The following C1QTNF7 variants were observed in gnomAD, a reference collection of about 807,000 sequenced individuals.
C1QTNF7 encodes the protein complement C1q tumor necrosis factor-related protein 7.
Under a neutral mutation model 19.6 loss-of-function variants are expected in C1QTNF7, and 15 were observed. The ratio of observed to expected loss-of-function variants is 0.76; its 90% CI spans 0.51 to 1.18. The LOEUF (loss-of-function observed/expected upper bound fraction) is 1.18. Ranked by LOEUF, C1QTNF7 falls within the 50% of genes most tolerant of loss-of-function variation. C1QTNF7 has a pLI of 0.00. For missense variants in C1QTNF7, 324 were observed against 359.7 expected (o/e 0.90, Z 0.80); for synonymous variants, 142 against 137.5 (o/e 1.03, Z -0.23).
rs1004386401 is a variant in C1QTNF7, at chr4:15,353,962, G to A, written c.13+13755G>A. ...ATTCTAACCCTTGAAAATTGGAAGC[G>A]AATGTGTTGTGGGAATCCACAACTT... is the stretch of plus-strand genomic sequence containing the variant. On this transcript the variant is annotated intron_variant, in intron 1 of 2. Coordinates refer to the C1QTNF7 transcript ENST00000295297. 9.9e-5 allele frequency among the ~76,000 whole-genome samples: 15 copies of A among 152,208 alleles called. 1 individual carries two copies. The highest frequency in any genetic ancestry group is 8.3e-4 in the South Asian group (4 of 4,812).
At chr4:15,431,052 TGATAGATA>T (rs33924061) in intron 1 of C1QTNF7, among the ~76,000 whole-genome samples, 11,760 of 144,912 alleles carry the variant, frequency 0.081, 523 homozygotes, top group Admixed American at 0.12. Context: ...GATAGATAGA[TGATAGATA>T]GATAGATAGA....
intron 1 of C1QTNF7, among the ~76,000 whole-genome samples, chr4:15,350,083 AAGGG>A (rs1261549395): frequency 8.4e-6 from 1 of 118,364 alleles, no homozygotes; most frequent in Non-Finnish European, 1.8e-5. Context: ...GGGAGAGAGG[AAGGG>A]AGGGAGGGAG....
chr4:15,368,361 T>C (rs1482996256), intron 1 of C1QTNF7, among the ~76,000 whole-genome samples: 1 of 152,192 alleles, frequency 6.6e-6, no homozygotes, highest in East Asian at 1.9e-4. Context: ...TACATATATA[T>C]ACATGTGCCA....
At chr4:15,355,916 G>A (rs1272824842) in intron 1 of C1QTNF7, among the ~76,000 whole-genome samples, 1 of 152,020 alleles carries the variant, frequency 6.6e-6, no homozygotes, top group African/African-American at 2.4e-5. Context: ...GGAGTGCAGT[G>A]GCCCAGTCAT....
chr4:15,415,706 T>C lies in C1QTNF7; in HGVS notation c.14-20030T>C, dbSNP rs971301994. ...TCCTGAGCTCAAGCGATCCTCCCAC[T>C]CTGGCCTCCCAAATTGCTGGGAACA... On this transcript the variant is annotated intron_variant, in intron 1 of 2. Transcript: ENST00000295297. 4.6e-5 allele frequency among the ~76,000 whole-genome samples: 7 copies of C among 151,948 alleles called. No individual in the cohort carries two copies. In the East Asian group the frequency reaches 7.8e-4, roughly 17 times the overall value.
At chr4:15,359,220 T>C (rs1717254889) in intron 1 of C1QTNF7, among the ~76,000 whole-genome samples, 1 of 152,146 alleles carries the variant, frequency 6.6e-6, no homozygotes, top group African/African-American at 2.4e-5. Context: ...ACCAGTATCC[T>C]TGTGCCCAAG....
intron 1 of C1QTNF7, among the ~76,000 whole-genome samples, chr4:15,434,383 C>A (rs1347968901): frequency 1.3e-5 from 2 of 152,168 alleles, no homozygotes; most frequent in Non-Finnish European, 2.9e-5. Flanking sequence ...ATGGGTACCA[C>A]AAAAGTGGTG....
At chr4:15,381,324 G>A (rs911488828) in intron 1 of C1QTNF7, among the ~76,000 whole-genome samples, 7 of 151,842 alleles carry the variant, frequency 4.6e-5, no homozygotes, top group Non-Finnish European at 1.0e-4. Flanking sequence ...GGCTGAGGCA[G>A]GAGAATGTCG....
rs568065354 is a variant in C1QTNF7 at position 15,414,956 on chromosome 4, C to T, written c.14-20780C>T. ...GTCAACAGAGAATAGAGGCCAATGC[C>T]TTGAAACCAAACATATTTTTATGAA... On this transcript the variant is annotated intron_variant, in intron 1 of 2. Transcript: ENST00000295297. Among the ~76,000 whole-genome samples, 3 of 152,348 alleles carry T rather than the reference C, an allele frequency of 2.0e-5. No individual in the cohort carries two copies. In the South Asian group the frequency reaches 6.2e-4, roughly 32 times the overall value.
At chr4:15,358,190 TATG>T (rs1398765531) in intron 1 of C1QTNF7, 1 of 152,152 alleles carries the variant, frequency 6.6e-6, no homozygotes, top group Non-Finnish European at 1.5e-5. Flanking sequence ...GCCCATTCAG[TATG>T]ATATTGGCTG....
Position 15,442,381 on chromosome 4 carries a change from C to G in C1QTNF7, c.452C>G (p.Ser151Cys). ...AGCATCGTGCTCAAATCCGCCTTTT[C>G]TGTTGGCATCACAACCAGCTACCCA... Reference protein sequence around the residue: ...CGSIVLKSAFSVGITTSYPEE... With the variant: ...CGSIVLKSAFCVGITTSYPEE... Residue 151 changes from serine to cysteine, a missense_variant, in exon 3 of 3, where the codon TCT (serine) becomes TGT (cysteine). Ser to Cys is a moderately radical substitution (Grantham distance 112). Coordinates refer to ENST00000444304, the MANE Select transcript of C1QTNF7 (RefSeq NM_031911.5). 1 of 1,614,196 alleles carries G rather than the reference C, an allele frequency of 6.2e-7. No homozygotes were observed. The highest frequency in any genetic ancestry group is 8.5e-7 in the Non-Finnish European group (1 of 1,180,036).
intron 1 of C1QTNF7, among the ~76,000 whole-genome samples, chr4:15,348,222 T>G (rs896895683): frequency 3.9e-5 from 6 of 152,100 alleles, no homozygotes; most frequent in Non-Finnish European, 8.8e-5. Flanking sequence ...AAAAACACAC[T>G]AAGTACTTAG....
chr4:15,343,851 G>A (rs777469665), intron 1 of C1QTNF7, among the ~76,000 whole-genome samples: 2 of 152,166 alleles, frequency 1.3e-5, no homozygotes, highest in Non-Finnish European at 2.9e-5. Flanking sequence ...AGGTCACAAG[G>A]TGGGTGTAGA....
chr4:15,345,059 G>A (rs1016530261), intron 1 of C1QTNF7, among the ~76,000 whole-genome samples: 38 of 152,310 alleles, frequency 2.5e-4, no homozygotes, highest in African/African-American at 7.9e-4. Context: ...ACTATAGCAA[G>A]TCTGAATCTT....
At chr4:15,340,241 T>C in intron 1 of C1QTNF7, 1 of 1,550,758 alleles carries the variant, frequency 6.4e-7, no homozygotes, top group Non-Finnish European at 8.7e-7. Flanking sequence ...TTTTTCTCTT[T>C]TTCCCTCCTA....
chr4:15,350,107 GAGGCAGGC>G (rs1301791538), intron 1 of C1QTNF7, among the ~76,000 whole-genome samples: 2 of 117,632 alleles, frequency 1.7e-5, no homozygotes, highest in African/African-American at 6.9e-5. Flanking sequence ...GAGAGGAAGG[GAGGCAGGC>G]AGGCAAGCAG....
In C1QTNF7 at chr4:15,428,123, T is replaced by A. The variant is rs79556093; in HGVS notation, c.-9+17T>A. 0.026 allele frequency: 25,948 copies of A among 982,474 alleles called. 373 individuals carry two copies. Among genetic ancestry groups the A allele is most frequent in the East Asian group, 0.046 (408 of 8,786 alleles). The allele number at this position is 982,474 out of a possible 1,614,324, so 60.9% of individuals were successfully genotyped here. A position where few individuals can be genotyped will look rare whatever the true frequency, so the allele number is the denominator to read the frequency against. On this transcript the variant is annotated intron_variant, in intron 1 of 2. Coordinates refer to ENST00000444304, the MANE Select transcript of C1QTNF7 (RefSeq NM_031911.5). ...AAGAGCAAGGTATGGTGTTTACTCT[T>A]TTTTTTAGAATTTTGGCAAATGTAG...
At chr4:15,350,210 GAA>G (rs1716870080) in intron 1 of C1QTNF7, among the ~76,000 whole-genome samples, 2 of 135,636 alleles carry the variant, frequency 1.5e-5, no homozygotes. Context: ...AAGAAGGAAG[GAA>G]GGGAGGGAAG....
chr4:15,390,235 G>A (rs1718504667), intron 1 of C1QTNF7, among the ~76,000 whole-genome samples: 1 of 152,194 alleles, frequency 6.6e-6, no homozygotes, highest in Non-Finnish European at 1.5e-5. Context: ...GGAAGGAGCT[G>A]ATGCTTCGGT....
Sources: allele counts gnomAD v4.1 joint callset (sites outside exome capture counted in the v4.1 genomes callset), GRCh38; gene constraint gnomAD v4.1.1; transcripts MANE v1.5; gene names NCBI Gene and HGNC (gene_info 2026-07-23, HGNC 2026-07-21).